The following MYRIP variants were observed in gnomAD, a reference collection of about 807,000 sequenced individuals.
MYRIP encodes the protein myosin VIIA and Rab interacting protein, also known as rab effector MyRIP.
A neutral mutation model predicts 98.0 loss-of-function variants in MYRIP; 49 were observed. That is an observed-to-expected ratio of 0.50 (90% CI 0.40 to 0.63). The LOEUF (loss-of-function observed/expected upper bound fraction) is 0.63. Ranked by LOEUF, MYRIP falls within the 30% of genes least tolerant of loss-of-function variation. The pLI is 0.00. For missense variants in MYRIP, 1,004 were observed against 1,058.2 expected (o/e 0.95, Z 0.71); for synonymous variants, 404 against 409.5 (o/e 0.99, Z 0.16).
intron 1 of MYRIP, among the ~76,000 whole-genome samples, chr3:39,876,264 C>CA (rs1942991866): frequency 6.6e-6 from 1 of 152,118 alleles, no homozygotes; most frequent in Admixed American, 6.5e-5. Context: ...TTCCTGAATA[C>CA]AGCACACTGT....
intron 12 of MYRIP, among the ~76,000 whole-genome samples, chr3:40,241,018 GC>G (rs1952995832): frequency 6.6e-6 from 1 of 152,168 alleles, no homozygotes; most frequent in Non-Finnish European, 1.5e-5. Context: ...AAATTGGTCG[GC>G]CTCCCAGGGA....
intron 3 of MYRIP, among the ~76,000 whole-genome samples, chr3:40,056,962 T>A (rs75796309): frequency 0.019 from 2,910 of 152,234 alleles, 87 homozygotes; most frequent in African/African-American, 0.066. Flanking sequence ...TCAAGGAAAT[T>A]TGCTTCAGTA....
chr3:39,899,235 A>G (rs1343285742), intron 1 of MYRIP, among the ~76,000 whole-genome samples: 1 of 152,150 alleles, frequency 6.6e-6, no homozygotes, highest in Non-Finnish European at 1.5e-5. Context: ...TGTATTCTGT[A>G]CATGTGGTGT....
intron 2 of MYRIP, among the ~76,000 whole-genome samples, chr3:39,975,151 C>T (rs1053916929): frequency 9.9e-5 from 15 of 152,264 alleles, no homozygotes; most frequent in East Asian, 3.9e-4. Context: ...AAAACCCCAT[C>T]GTCTCAGCCC....
chr3:39,978,190 T>C (rs1361731794), intron 2 of MYRIP, among the ~76,000 whole-genome samples: 1 of 152,192 alleles, frequency 6.6e-6, no homozygotes, highest in Non-Finnish European at 1.5e-5. Context: ...TGGGGTGACA[T>C]ATAATGCATT....
chr3:39,880,630 T>C (rs1943135632), intron 1 of MYRIP, among the ~76,000 whole-genome samples: 1 of 152,256 alleles, frequency 6.6e-6, no homozygotes. Context: ...ACTTGGTCTT[T>C]TTTTGCTTCT....
intron 1 of MYRIP, among the ~76,000 whole-genome samples, chr3:39,894,369 CTT>C (rs1943555056): frequency 6.6e-6 from 1 of 152,162 alleles, no homozygotes; most frequent in East Asian, 1.9e-4. Flanking sequence ...TGATTTTGAA[CTT>C]TATACAATTG....
chr3:39,907,681 T>C (rs555293485), intron 2 of MYRIP, among the ~76,000 whole-genome samples: 1 of 152,322 alleles, frequency 6.6e-6, no homozygotes, highest in African/African-American at 2.4e-5. Context: ...AGTATTACTC[T>C]AAGTAATAGA....
chr3:40,163,175 A>G (rs988262849), intron 5 of MYRIP, among the ~76,000 whole-genome samples: 3 of 152,232 alleles, frequency 2.0e-5, no homozygotes, highest in African/African-American at 7.2e-5. Context: ...TTACTTTTTT[A>G]TACCAATATA....
Position 40,260,044 on chromosome 3 carries a change from A to G in MYRIP, c.*1878A>G, listed in dbSNP as rs745679063. ...TTTTATAAAGGTTTCCTTGTGCCAA[A>G]TAAGTGCAAAGATTTAATTTACTAT... On this transcript the variant is annotated 3_prime_UTR_variant, in exon 17 of 17. Transcript: ENST00000302541. 2 of 152,680 alleles carry G rather than the reference A, an allele frequency of 1.3e-5. No individual in the cohort carries two copies. The highest frequency in any genetic ancestry group is 2.9e-5 in the Non-Finnish European group (2 of 68,046). 9.5% of individuals were successfully genotyped at this position (152,680 alleles called of 1,614,324 possible).
intron 3 of MYRIP, among the ~76,000 whole-genome samples, chr3:40,063,975 A>G (rs1029550868): frequency 6.6e-6 from 1 of 152,088 alleles, no homozygotes; most frequent in Non-Finnish European, 1.5e-5. Flanking sequence ...CCATGAGAAG[A>G]GTGTACAGCA....
At chr3:40,125,498 C>T (rs890326770) in intron 3 of MYRIP, among the ~76,000 whole-genome samples, 5 of 152,204 alleles carry the variant, frequency 3.3e-5, no homozygotes, top group African/African-American at 1.2e-4. Context: ...GTGGGTCTCC[C>T]TTTCCCAGCC....
intron 3 of MYRIP, among the ~76,000 whole-genome samples, chr3:40,048,662 TTTGA>T (rs1307867855): frequency 2.0e-5 from 3 of 152,184 alleles, no homozygotes; most frequent in African/African-American, 4.8e-5. Flanking sequence ...TTTTTTTCTG[TTTGA>T]TTATTTAGTT....
chr3:39,859,513 A>G (rs1942400037), intron 1 of MYRIP, among the ~76,000 whole-genome samples: 1 of 152,214 alleles, frequency 6.6e-6, no homozygotes, highest in Non-Finnish European at 1.5e-5. Context: ...AGCACTTTCA[A>G]ATTCATTTTA....
chr3:40,208,071 T>C (rs984175123), intron 10 of MYRIP, among the ~76,000 whole-genome samples: 8 of 152,222 alleles, frequency 5.3e-5, no homozygotes, highest in East Asian at 1.9e-4. Flanking sequence ...TATTTTTTCA[T>C]CTTTCTTTAG....
At chr3:40,059,295 C>T (rs1349364518) in intron 3 of MYRIP, among the ~76,000 whole-genome samples, 4 of 152,116 alleles carry the variant, frequency 2.6e-5, no homozygotes, top group Admixed American at 1.3e-4. Flanking sequence ...TGGGTATATA[C>T]CCAGTAATGG....
At chr3:39,989,808 T>C (rs1366925349) in intron 2 of MYRIP, among the ~76,000 whole-genome samples, 1 of 152,254 alleles carries the variant, frequency 6.6e-6, no homozygotes, top group Non-Finnish European at 1.5e-5. Flanking sequence ...ACAGCCATTG[T>C]GTTGGACTGT....
intron 12 of MYRIP, among the ~76,000 whole-genome samples, chr3:40,240,443 C>G (rs1220525731): frequency 1.3e-5 from 2 of 152,208 alleles, no homozygotes; most frequent in Non-Finnish European, 2.9e-5. Flanking sequence ...GCACACTGTG[C>G]ACGAGCTGAA....
chr3:40,040,981 T>TA (rs201195237), intron 2 of MYRIP, among the ~76,000 whole-genome samples: 20,228 of 29,480 alleles, frequency 0.69, 6,038 homozygotes, highest in Non-Finnish European at 0.74. Flanking sequence ...TAGAGTATAA[T>TA]AAAAAAAAAA....
Sources: gnomAD v4.1 joint callset for allele counts (sites outside exome capture counted in the v4.1 genomes callset) on GRCh38, gnomAD v4.1.1 for gene constraint, MANE v1.5 for transcripts, NCBI Gene and HGNC (gene_info 2026-07-23, HGNC 2026-07-21) for gene names.